The following LPP variants were observed in gnomAD, a reference collection of about 807,000 sequenced individuals.
LPP encodes the protein LIM domain containing preferred translocation partner in lipoma.
LPP carries 38 observed loss-of-function variants against 60.4 expected under a neutral mutation model. That is an observed-to-expected ratio of 0.63 (90% CI 0.49 to 0.83). The LOEUF (loss-of-function observed/expected upper bound fraction) is 0.83, where lower values mean the gene tolerates loss of function less well. Ranked by LOEUF, LPP falls within the 40% of genes least tolerant of loss-of-function variation. The pLI is 0.00. For synonymous variants in LPP, 328 were observed against 290.8 expected (o/e 1.13, Z -1.30); for missense variants, 902 against 783.6 (o/e 1.15, Z -1.80).
chr3:188,384,454 G>A (rs1364395509), intron 3 of LPP, among the ~76,000 whole-genome samples: 3 of 151,896 alleles, frequency 2.0e-5, no homozygotes, highest in Non-Finnish European at 2.9e-5. Context: ...AGGTATTTAC[G>A]AAGGGACTCA....
chr3:188,767,900 CATT>C (rs1734662020), intron 9 of LPP, among the ~76,000 whole-genome samples: 1 of 151,964 alleles, frequency 6.6e-6, no homozygotes, highest in Non-Finnish European at 1.5e-5. Flanking sequence ...TAAAATAAAA[CATT>C]GTTGATAAGT....
chr3:188,470,998 C>G (rs1335015220), intron 4 of LPP, among the ~76,000 whole-genome samples: 1 of 152,144 alleles, frequency 6.6e-6, no homozygotes, highest in Non-Finnish European at 1.5e-5. Context: ...GAGGATTCCT[C>G]CTTTTCAGAA....
intron 7 of LPP, among the ~76,000 whole-genome samples, chr3:188,632,294 A>C (rs145671940): frequency 2.0e-4 from 31 of 152,304 alleles, no homozygotes; most frequent in Non-Finnish European, 3.7e-4. Context: ...TCTACTAGCT[A>C]TCCTGGTGAT....
Position 188,406,134 on chromosome 3 carries a change from C to CCAACAATGTCTCACTCTT in LPP, c.14_15insCAACAATGTCTCACTCTT (p.Ser5_Trp6insAsnAsnValSerLeuPhe). 1 of 1,612,682 alleles carries CCAACAATGTCTCACTCTT rather than the reference C, an allele frequency of 6.2e-7. No homozygotes were observed. The highest frequency in any genetic ancestry group is 1.1e-5 in the South Asian group (1 of 90,800). ...CAGATTCCAACAATGTCTCACCCAT[C>CCAACAATGTCTCACTCTT]TTGGCTGCCACCCAAAAGCACTGGT... On this transcript the variant is annotated inframe_insertion, in exon 4 of 12. Transcript: ENST00000617246.
Position 188,352,604 on chromosome 3 carries a change from C to T in LPP, c.-10+10885C>T, listed in dbSNP as rs1012056126. Among the ~76,000 whole-genome samples, 17 of 152,294 alleles carry T rather than the reference C, an allele frequency of 1.1e-4. No individual in the cohort carries two copies. The highest frequency in any genetic ancestry group is 3.6e-4 in the African/African-American group (15 of 41,578). The stretch of plus-strand genomic sequence containing the variant: ...CATTTGATGTGTGAGGACAGTGAGG[C>T]GCATTATGCGGAGGTGACTTGCTCA... On this transcript the variant is annotated intron_variant, in intron 3 of 11. Transcript: ENST00000617246. This position sits in a 1 kb window ranked among gnomAD's most constrained non-coding sequence, Gnocchi z 4.4.
At chr3:188,316,438 G>A (rs1457595900) in intron 2 of LPP, among the ~76,000 whole-genome samples, 1 of 150,712 alleles carries the variant, frequency 6.6e-6, no homozygotes, top group East Asian at 1.9e-4. Flanking sequence ...AGACCCTACT[G>A]GAAGAAAAAA....
At chr3:188,722,499 C>T (rs1716829989) in intron 8 of LPP, among the ~76,000 whole-genome samples, 1 of 152,156 alleles carries the variant, frequency 6.6e-6, no homozygotes, top group South Asian at 2.1e-4. Flanking sequence ...GTCATCTTTT[C>T]TGTGTGACGT....
intron 3 of LPP, among the ~76,000 whole-genome samples, chr3:188,380,832 A>G (rs1776686533): frequency 6.6e-6 from 1 of 152,230 alleles, no homozygotes; most frequent in African/African-American, 2.4e-5. Flanking sequence ...TTTATTGAGT[A>G]TTTACACTAT....
Position 188,217,433 on chromosome 3 carries a change from G to T in LPP, c.-189-7972G>T, listed in dbSNP as rs1207332896. On this transcript the variant is annotated intron_variant, in intron 1 of 11. Transcript: ENST00000617246. This position sits in a 1 kb window ranked among gnomAD's most constrained non-coding sequence, Gnocchi z 4.0. ...GTAAGTGAGAGACCTGAGCTTCTTA[G>T]ACCTGAGTCCAGATGTGATGGGTTA... Among the ~76,000 whole-genome samples the T allele has an allele frequency of 1.3e-5, 2 of 152,162 alleles. No homozygotes were observed. Among genetic ancestry groups the T allele is most frequent in the African/African-American group, 4.8e-5 (2 of 41,438 alleles).
At chr3:188,253,742 A>G (rs1240686771) in intron 2 of LPP, among the ~76,000 whole-genome samples, 1 of 152,182 alleles carries the variant, frequency 6.6e-6, no homozygotes, top group Non-Finnish European at 1.5e-5. Context: ...TTAATAGAGA[A>G]GGTGTTTAAA....
At chr3:188,187,282 T>C (rs1002873039) in intron 1 of LPP, among the ~76,000 whole-genome samples, 12 of 152,190 alleles carry the variant, frequency 7.9e-5, no homozygotes, top group Admixed American at 3.3e-4. Flanking sequence ...GGCTAAGTCA[T>C]GTGCTGTGGT....
intron 8 of LPP, among the ~76,000 whole-genome samples, chr3:188,752,565 T>C (rs888164825): frequency 6.6e-6 from 1 of 152,238 alleles, no homozygotes; most frequent in African/African-American, 2.4e-5. Flanking sequence ...TTTTGCTACT[T>C]TTCCTGAGAG....
At chr3:188,731,523 T>TTTGTTTTGTTTTG (rs1720549854) in intron 8 of LPP, among the ~76,000 whole-genome samples, 2 of 151,606 alleles carry the variant, frequency 1.3e-5, no homozygotes, top group African/African-American at 4.8e-5. Flanking sequence ...TTTTTTTTGT[T>TTTGTTTTGTTTTG]TTGTTTTGTT....
intron 2 of LPP, among the ~76,000 whole-genome samples, chr3:188,249,378 C>T (rs562501256): frequency 4.0e-5 from 6 of 151,034 alleles, no homozygotes; most frequent in South Asian, 4.2e-4. Flanking sequence ...GGGCCTGGGA[C>T]GTCAAGGCTG....
At chr3:188,241,288 T>A (rs531087817) in intron 2 of LPP, among the ~76,000 whole-genome samples, 1 of 152,354 alleles carries the variant, frequency 6.6e-6, no homozygotes, top group East Asian at 1.9e-4. Flanking sequence ...TTTCTCCAGC[T>A]GATCCTGCAT....
intron 1 of LPP, among the ~76,000 whole-genome samples, chr3:188,186,219 G>C (rs1032767933): frequency 4.6e-5 from 7 of 152,170 alleles, no homozygotes; most frequent in African/African-American, 1.4e-4. Flanking sequence ...GGGCCACAGT[G>C]CTGCACAGCC....
intron 6 of LPP, among the ~76,000 whole-genome samples, chr3:188,531,914 C>A (rs1179268056): frequency 6.6e-6 from 1 of 152,124 alleles, no homozygotes; most frequent in East Asian, 1.9e-4. Context: ...GTGACCACCC[C>A]TACTCTGCCC....
intron 2 of LPP, among the ~76,000 whole-genome samples, chr3:188,328,845 T>G (rs1759185548): frequency 6.6e-6 from 1 of 152,182 alleles, no homozygotes; most frequent in African/African-American, 2.4e-5. Context: ...TCAGGTTTCT[T>G]TAGTAAAACC....
rs1160903273 is a variant in LPP, at chr3:188,874,738, T to C, written c.*259T>C. ...TTTGCACAGATTATGCTCCATCCCA[T>C]TCACTTCTGCATTCCTGTAACTTTT... On this transcript the variant is annotated 3_prime_UTR_variant, in exon 12 of 12. Coordinates refer to ENST00000617246, the MANE Select transcript of LPP (RefSeq NM_001375462.1). 1 of 354,444 alleles carries C rather than the reference T, an allele frequency of 2.8e-6. No homozygotes were observed. Among genetic ancestry groups the C allele is most frequent in the African/African-American group, 2.0e-5 (1 of 49,602 alleles). 22.0% of individuals were successfully genotyped at this position (354,444 alleles called of 1,614,324 possible).
Sources: allele counts gnomAD v4.1 joint callset (sites outside exome capture counted in the v4.1 genomes callset), GRCh38; gene constraint gnomAD v4.1.1; non-coding constraint Gnocchi (gnomAD v3.1); transcripts MANE v1.5; gene names NCBI Gene and HGNC (gene_info 2026-07-23, HGNC 2026-07-21).